The following SETBP1 variants were observed in gnomAD, a reference collection of about 807,000 sequenced individuals.
SETBP1 encodes the protein SET-binding protein.
Under a neutral mutation model 101.0 loss-of-function variants are expected in SETBP1, and 9 were observed. That is an observed-to-expected ratio of 0.09 (90% CI 0.05 to 0.16). SETBP1 has a LOEUF of 0.16. Ranked by LOEUF, SETBP1 falls within the 10% of genes least tolerant of loss-of-function variation. SETBP1 has a pLI of 1.00. For missense variants in SETBP1, 1,858 were observed against 2,033.8 expected, an observed-to-expected ratio of 0.91 and a Z score of 1.66; for synonymous variants, 818 against 788.5, an observed-to-expected ratio of 1.04 and a Z score of -0.63.
intron 4 of SETBP1, among the ~76,000 whole-genome samples, chr18:44,957,125 C>T (rs1280984322): frequency 1.3e-5 from 2 of 152,098 alleles, no homozygotes; most frequent in Non-Finnish European, 2.9e-5. Flanking sequence ...GCCTGTCTGT[C>T]GGCAGGCATT....
intron 3 of SETBP1, among the ~76,000 whole-genome samples, chr18:44,919,657 C>T (rs541181128): frequency 6.6e-4 from 100 of 151,814 alleles, no homozygotes; most frequent in African/African-American, 2.1e-3. Context: ...TAGATCCCCC[C>T]GTCTTTAAGC....
At chr18:45,009,965 G>C (rs1014873145) in intron 4 of SETBP1, among the ~76,000 whole-genome samples, 1 of 152,090 alleles carries the variant, frequency 6.6e-6, no homozygotes, top group Non-Finnish European at 1.5e-5. Flanking sequence ...TCTTGCCTTT[G>C]GTACACAGAT....
intron 2 of SETBP1, among the ~76,000 whole-genome samples, chr18:44,782,193 GAT>G (rs1568141342): frequency 6.6e-6 from 1 of 152,098 alleles, no homozygotes; most frequent in Non-Finnish European, 1.5e-5. Flanking sequence ...GAGATTTGTA[GAT>G]ATGTTTTCTT....
At chr18:44,914,283 A>C (rs2070379272) in intron 3 of SETBP1, among the ~76,000 whole-genome samples, 1 of 152,232 alleles carries the variant, frequency 6.6e-6, no homozygotes, top group Non-Finnish European at 1.5e-5. Context: ...GATTATGAAC[A>C]CACTGGCCTA....
At chr18:44,756,679 C>T (rs1259352194) in intron 2 of SETBP1, among the ~76,000 whole-genome samples, 1 of 152,210 alleles carries the variant, frequency 6.6e-6, no homozygotes, top group East Asian at 1.9e-4. Context: ...CCCTCCCCTC[C>T]TCAGCATTCA....
intron 2 of SETBP1, among the ~76,000 whole-genome samples, chr18:44,743,961 A>C (rs2070158884): frequency 6.6e-6 from 1 of 152,184 alleles, no homozygotes; most frequent in Non-Finnish European, 1.5e-5. Flanking sequence ...AAGAATGTCA[A>C]ATTTAAGGCT....
At chr18:44,850,460 T>A (rs895731889) in intron 2 of SETBP1, among the ~76,000 whole-genome samples, 1 of 151,256 alleles carries the variant, frequency 6.6e-6, no homozygotes, top group South Asian at 2.1e-4. Context: ...AACCTCCGCC[T>A]CCCTGGTTCA....
At chr18:44,804,039 G>T (rs1215491142) in intron 2 of SETBP1, among the ~76,000 whole-genome samples, 3 of 152,042 alleles carry the variant, frequency 2.0e-5, no homozygotes, top group African/African-American at 7.2e-5. Context: ...GGTTGTGTCT[G>T]CAATAAGTAA....
rs376892974 is a variant in SETBP1, at chr18:44,831,837, C to T, written c.487-37393C>T. 2.0e-3 allele frequency among the ~76,000 whole-genome samples: 297 copies of T among 152,104 alleles called. 1 individual carries two copies. The highest frequency in any genetic ancestry group is 6.8e-3 in the African/African-American group (282 of 41,484). On this transcript the variant is annotated intron_variant, in intron 2 of 5. Transcript: ENST00000649279. ...CACTGATTGTAACAGATTTTAAATC[C>T]GCCCATGACCTGCCCTCCCATTCAC...
At chr18:44,778,328 C>T (rs2071050722) in intron 2 of SETBP1, among the ~76,000 whole-genome samples, 1 of 152,158 alleles carries the variant, frequency 6.6e-6, no homozygotes, top group Non-Finnish European at 1.5e-5. Context: ...AGGGGGGTCA[C>T]CTAATCACTC....
At chr18:44,722,037 C>T (rs1435893132) in intron 2 of SETBP1, among the ~76,000 whole-genome samples, 1 of 152,182 alleles carries the variant, frequency 6.6e-6, no homozygotes, top group African/African-American at 2.4e-5. Context: ...TCTGCGTGGA[C>T]ATGCATGTGA....
At chr18:44,794,324 T>A (rs919608590) in intron 2 of SETBP1, among the ~76,000 whole-genome samples, 3 of 152,200 alleles carry the variant, frequency 2.0e-5, no homozygotes, top group African/African-American at 7.2e-5. Flanking sequence ...AGAGATCATT[T>A]TATTTAGTTG....
chr18:45,059,829 T>A (rs1377208616), intron 5 of SETBP1, among the ~76,000 whole-genome samples: 4 of 152,172 alleles, frequency 2.6e-5, no homozygotes, highest in Non-Finnish European at 5.9e-5. Flanking sequence ...CCTACTCTAG[T>A]GGCTTAATAA....
chr18:45,062,497 AG>A (rs1256944987), intron 5 of SETBP1, among the ~76,000 whole-genome samples: 1 of 152,236 alleles, frequency 6.6e-6, no homozygotes, highest in Non-Finnish European at 1.5e-5. Flanking sequence ...TCAGTGGAGA[AG>A]GGTTAGGAAT....
At chr18:44,866,857 A>T (rs678683) in intron 2 of SETBP1, among the ~76,000 whole-genome samples, 2 of 152,232 alleles carry the variant, frequency 1.3e-5, no homozygotes, top group Non-Finnish European at 2.9e-5. Context: ...GCATTTCTGC[A>T]AGGAAGAGTT....
At chr18:44,773,487 C>T (rs1207830632) in intron 2 of SETBP1, among the ~76,000 whole-genome samples, 1 of 152,168 alleles carries the variant, frequency 6.6e-6, no homozygotes. Context: ...CTGCTGGGCA[C>T]CTCCCTCCCC....
chr18:45,007,666 C>T (rs1330795498), intron 4 of SETBP1, among the ~76,000 whole-genome samples: 2 of 152,174 alleles, frequency 1.3e-5, no homozygotes, highest in Non-Finnish European at 2.9e-5. Flanking sequence ...GATTAATTCG[C>T]ACATTTAACC....
chr18:44,941,057 C>A (rs200398555), intron 3 of SETBP1, among the ~76,000 whole-genome samples: 1 of 135,552 alleles, frequency 7.4e-6, no homozygotes, highest in Non-Finnish European at 1.6e-5. Context: ...TGTTTATATT[C>A]TAATTAATGA....
At chr18:44,903,818 T>C (rs2070108346) in intron 3 of SETBP1, among the ~76,000 whole-genome samples, 2 of 152,224 alleles carry the variant, frequency 1.3e-5, no homozygotes, top group South Asian at 2.1e-4. Flanking sequence ...AATACCACAG[T>C]GGTTAAATTG....
Sources: gnomAD v4.1 joint callset for allele counts (sites outside exome capture counted in the v4.1 genomes callset) on GRCh38, gnomAD v4.1.1 for gene constraint, MANE v1.5 for transcripts, NCBI Gene and HGNC (gene_info 2026-07-23, HGNC 2026-07-21) for gene names.